The following ANO4 variants were observed in gnomAD, a reference collection of about 807,000 sequenced individuals.
ANO4 encodes the protein anoctamin 4.
Under a neutral mutation model 141.9 loss-of-function variants are expected in ANO4, and 69 were observed. The ratio of observed to expected loss-of-function variants is 0.49; its 90% CI spans 0.40 to 0.59. The LOEUF (loss-of-function observed/expected upper bound fraction) is 0.59, where lower values mean the gene tolerates loss of function less well. Among genes scored for constraint, ANO4 ranks in the 20% least tolerant of loss-of-function variants. The pLI, the probability that ANO4 is intolerant of heterozygous loss-of-function variation, is 0.00. For synonymous variants in ANO4, 350 were observed against 394.3 expected (o/e 0.89, Z 1.33); for missense variants, 894 against 1,162.2 (o/e 0.77, Z 3.36).
intron 1 of ANO4, among the ~76,000 whole-genome samples, chr12:100,825,260 A>G (rs952779613): frequency 5.9e-5 from 9 of 152,042 alleles, no homozygotes; most frequent in Non-Finnish European, 1.2e-4. Context: ...AGGAAAACAA[A>G]CAAATACTGA....
chr12:100,848,759 T>A (rs915004159), intron 1 of ANO4, among the ~76,000 whole-genome samples: 2 of 152,206 alleles, frequency 1.3e-5, no homozygotes, highest in African/African-American at 4.8e-5. Context: ...CTTTTGGACA[T>A]GGTGGAACAT....
chr12:101,053,639 G>A (rs571101664), intron 14 of ANO4, among the ~76,000 whole-genome samples: 3 of 152,148 alleles, frequency 2.0e-5, no homozygotes, highest in Non-Finnish European at 4.4e-5. Context: ...GTCTTCACAT[G>A]GCTATCTTCT....
chr12:101,007,028 G>C (rs2045899878), intron 8 of ANO4, among the ~76,000 whole-genome samples: 1 of 152,174 alleles, frequency 6.6e-6, no homozygotes, highest in Non-Finnish European at 1.5e-5. Context: ...GGGCCTGTTT[G>C]AACCATGAGA....
At chr12:100,943,393 T>A (rs1377368630) in intron 5 of ANO4, among the ~76,000 whole-genome samples, 2 of 152,254 alleles carry the variant, frequency 1.3e-5, no homozygotes, top group Non-Finnish European at 2.9e-5. Context: ...TCCAGGTTTT[T>A]CTTTGTATGA....
chr12:100,810,984 G>C (rs565249931), intron 1 of ANO4, among the ~76,000 whole-genome samples: 1 of 152,118 alleles, frequency 6.6e-6, no homozygotes, highest in Admixed American at 6.6e-5. Context: ...TCAGAAGTAC[G>C]TAAATGGTGT....
At chr12:101,012,225 C>T (rs1315762229) in intron 8 of ANO4, among the ~76,000 whole-genome samples, 1 of 152,126 alleles carries the variant, frequency 6.6e-6, no homozygotes, top group African/African-American at 2.4e-5. Context: ...GCCCTGCCCT[C>T]ACAGAGCTTG....
At chr12:100,798,365 T>C (rs1201607427) in intron 1 of ANO4, among the ~76,000 whole-genome samples, 1 of 152,196 alleles carries the variant, frequency 6.6e-6, no homozygotes, top group Non-Finnish European at 1.5e-5. Flanking sequence ...TGAGGCTTCT[T>C]AGAGGGAAGA....
intron 8 of ANO4, among the ~76,000 whole-genome samples, chr12:101,016,122 C>A (rs2046306373): frequency 6.6e-6 from 1 of 152,124 alleles, no homozygotes; most frequent in African/African-American, 2.4e-5. Context: ...AGTTTCATAG[C>A]CCCTGTGTTA....
chr12:100,957,863 G>A (rs2043234700), intron 5 of ANO4, among the ~76,000 whole-genome samples: 1 of 152,118 alleles, frequency 6.6e-6, no homozygotes, highest in Non-Finnish European at 1.5e-5. Flanking sequence ...AATAAACTAA[G>A]ACATCATTTT....
intron 5 of ANO4, among the ~76,000 whole-genome samples, chr12:100,965,716 C>A (rs899671154): frequency 2.6e-5 from 4 of 151,894 alleles, no homozygotes; most frequent in African/African-American, 9.7e-5. Flanking sequence ...TCACTTGACT[C>A]TTCCTATGCC....
intron 5 of ANO4, among the ~76,000 whole-genome samples, chr12:100,958,711 A>T (rs1014792877): frequency 6.6e-6 from 1 of 152,016 alleles, no homozygotes; most frequent in Non-Finnish European, 1.5e-5. Flanking sequence ...AGCCAGGTGT[A>T]TTGGTGCATG....
rs1344303917 is a variant in ANO4, at chr12:101,047,205, C to T, written c.1252-1136C>T. On this transcript the variant is annotated intron_variant, in intron 13 of 27. Transcript: ENST00000392977. ...TGGAGGTTGCAGTGAGCCGAGATTG[C>T]GCCATTGCACTCCAGCCTGGGTGAC... Among the ~76,000 whole-genome samples, 6 of 152,228 alleles carry T rather than the reference C, an allele frequency of 3.9e-5. No homozygotes were observed. The East Asian group carries it at 5.8e-4, about 15-fold the overall frequency.
At chr12:100,781,779 A>G (rs2033718777) in intron 3 of ANO4, among the ~76,000 whole-genome samples, 1 of 152,238 alleles carries the variant, frequency 6.6e-6, no homozygotes, top group South Asian at 2.1e-4. Context: ...TAAAAAAGAC[A>G]GCATTTAATT....
At chr12:100,888,846 CT>C (rs1279388338) in intron 1 of ANO4, among the ~76,000 whole-genome samples, 1 of 151,162 alleles carries the variant, frequency 6.6e-6, no homozygotes, top group Non-Finnish European at 1.5e-5. Context: ...ACTTAATGTT[CT>C]TTTTTTTCTT....
intron 3 of ANO4, among the ~76,000 whole-genome samples, chr12:100,756,000 C>T (rs1003088233): frequency 6.6e-6 from 1 of 152,098 alleles, no homozygotes; most frequent in African/African-American, 2.4e-5. Context: ...AGTAGTTTTC[C>T]TTCTTTAATC....
rs151016259 is a variant in ANO4 at position 101,039,254 on chromosome 12, C to T, written c.898-701C>T. On this transcript the variant is annotated intron_variant, in intron 10 of 27. Coordinates refer to ENST00000392977, the MANE Select transcript of ANO4 (RefSeq NM_001286615.2). ...GCACAGTGGCTCACACCTGTAATCC[C>T]AGCACATTGGGAGGCCGAGGGGGAC... 8.2e-3 allele frequency among the ~76,000 whole-genome samples: 1,244 copies of T among 152,276 alleles called. 9 individuals carry two copies. Among genetic ancestry groups the T allele is most frequent in the Non-Finnish European group, 0.014 (930 of 68,030 alleles).
chr12:101,067,207 G>A (rs2048631104), intron 14 of ANO4, among the ~76,000 whole-genome samples: 1 of 152,124 alleles, frequency 6.6e-6, no homozygotes, highest in Non-Finnish European at 1.5e-5. Flanking sequence ...ATATGTGAAG[G>A]AATAGTGTTA....
intron 8 of ANO4, among the ~76,000 whole-genome samples, chr12:101,009,312 A>G (rs970048099): frequency 1.3e-5 from 2 of 152,130 alleles, no homozygotes; most frequent in Admixed American, 1.3e-4. Flanking sequence ...GAAAATTTAG[A>G]AGAAAAAACT....
intron 11 of ANO4, 42 bp from the exon 12 acceptor site, chr12:101,042,292 C>T: frequency 6.2e-7 from 1 of 1,611,318 alleles, no homozygotes. Flanking sequence ...CTTAACTTTA[C>T]ACACTGCACT....
Sources: allele counts gnomAD v4.1 joint callset (sites outside exome capture counted in the v4.1 genomes callset), GRCh38; gene constraint gnomAD v4.1.1; transcripts MANE v1.5; gene names NCBI Gene and HGNC (gene_info 2026-07-23, HGNC 2026-07-21).